Variants in C1QTNF7 observed in about 807,000 individuals in gnomAD.
The protein encoded by C1QTNF7 is C1q and TNF related 7, also known as complement C1q tumor necrosis factor-related protein 7.
In C1QTNF7, 15 loss-of-function variants were observed where a neutral mutation model predicts 19.6. The observed-to-expected ratio is 0.76, with a 90% CI of 0.51 to 1.18. The LOEUF is 1.18. C1QTNF7 is among the 50% of genes most tolerant of loss of function. The probability of loss-of-function intolerance (pLI) is 0.00; values close to 1 mark genes in which losing one functional copy is unlikely to be tolerated. For missense variants in C1QTNF7, 324 were observed against 359.7 expected, an observed-to-expected ratio of 0.90 and a Z score of 0.80; for synonymous variants, 142 against 137.5, an observed-to-expected ratio of 1.03 and a Z score of -0.23.
intron 1 of C1QTNF7, among the ~76,000 whole-genome samples, chr4:15,417,504 C>T (rs1390536551): frequency 6.6e-6 from 1 of 152,252 alleles, no homozygotes; most frequent in African/African-American, 2.4e-5. Context: ...AGACCAGGCA[C>T]AGTGGTTCAT....
At chr4:15,360,625 G>T (rs1273278951) in intron 1 of C1QTNF7, among the ~76,000 whole-genome samples, 1 of 152,106 alleles carries the variant, frequency 6.6e-6, no homozygotes, top group Non-Finnish European at 1.5e-5. Flanking sequence ...GTACAAAAAT[G>T]CAAGAAACAG....
chr4:15,376,547 T>C (rs947013418), intron 1 of C1QTNF7, among the ~76,000 whole-genome samples: 1 of 152,184 alleles, frequency 6.6e-6, no homozygotes, highest in African/African-American at 2.4e-5. Context: ...CATGTAAAGT[T>C]TGAGAGTTGA....
chr4:15,412,112 A>T (rs1485671840), intron 1 of C1QTNF7, among the ~76,000 whole-genome samples: 1 of 152,128 alleles, frequency 6.6e-6, no homozygotes, highest in African/African-American at 2.4e-5. Context: ...CACACTCCTT[A>T]TGAGCATCTA....
chr4:15,403,665 C>G (rs1212369172), intron 1 of C1QTNF7, among the ~76,000 whole-genome samples: 1 of 152,142 alleles, frequency 6.6e-6, no homozygotes, highest in Non-Finnish European at 1.5e-5. Context: ...CTACATAAAC[C>G]CTATTTCAAA....
At chr4:15,357,399 A>G (rs943408057) in intron 1 of C1QTNF7, among the ~76,000 whole-genome samples, 1 of 152,102 alleles carries the variant, frequency 6.6e-6, no homozygotes, top group African/African-American at 2.4e-5. Flanking sequence ...CAAAGATCAG[A>G]TTGTTGTAGA....
intron 1 of C1QTNF7, among the ~76,000 whole-genome samples, chr4:15,359,007 A>G (rs2109296897): frequency 6.6e-6 from 1 of 152,312 alleles, no homozygotes; most frequent in East Asian, 1.9e-4. Context: ...TTTTGCAAGT[A>G]AAGTGGGACA....
At chr4:15,417,319 A>G (rs1719637585) in intron 1 of C1QTNF7, among the ~76,000 whole-genome samples, 1 of 152,058 alleles carries the variant, frequency 6.6e-6, no homozygotes, top group Non-Finnish European at 1.5e-5. Context: ...GCTATTCCCC[A>G]TTTCTCACTC....
chr4:15,403,990 C>T (rs1307033239), intron 1 of C1QTNF7, among the ~76,000 whole-genome samples: 13 of 152,250 alleles, frequency 8.5e-5, no homozygotes, highest in African/African-American at 3.1e-4. Flanking sequence ...CTTTTCTATG[C>T]ATATACAAAT....
intron 1 of C1QTNF7, among the ~76,000 whole-genome samples, chr4:15,343,794 G>C (rs1284793060): frequency 6.6e-6 from 1 of 152,192 alleles, no homozygotes; most frequent in African/African-American, 2.4e-5. Context: ...CAGATACAAA[G>C]AATTGTGCCG....
upstream of C1QTNF7, among the ~76,000 whole-genome samples, chr4:15,423,981 A>G (rs1473308441): frequency 6.6e-6 from 1 of 152,158 alleles, no homozygotes; most frequent in African/African-American, 2.4e-5. Flanking sequence ...AGTTTATCAA[A>G]TGGTATTAAC....
At position 15,445,056 on chromosome 4, in the gene C1QTNF7, C is replaced by T. The variant is rs986626982; in HGVS notation, c.*2257C>T. 2.0e-5 allele frequency: 3 copies of T among 152,260 alleles called. No individual in the cohort carries two copies. The highest frequency in any genetic ancestry group is 7.2e-5 in the African/African-American group (3 of 41,430). The allele number at this position is 152,260 out of a possible 1,614,324, so 9.4% of individuals were successfully genotyped here. On this transcript the variant is annotated 3_prime_UTR_variant, in exon 3 of 3. Transcript: ENST00000444304. ...TGTCTTTCAACCCTATCTTGCTTTT[C>T]CTGTCTTTCAACCCTATCTTGCTTT... is the stretch of plus-strand genomic sequence containing the variant.
At chr4:15,362,295 G>C (rs1282158313) in intron 1 of C1QTNF7, 1 of 152,020 alleles carries the variant, frequency 6.6e-6, no homozygotes, top group African/African-American at 2.4e-5. Flanking sequence ...CCTCTATATA[G>C]ACAAGTGTAA....
intron 1 of C1QTNF7, among the ~76,000 whole-genome samples, chr4:15,352,772 C>G (rs1178387280): frequency 1.3e-5 from 2 of 152,166 alleles, no homozygotes; most frequent in Non-Finnish European, 2.9e-5. Context: ...CCACCATCTG[C>G]CTAACTCCTT....
intron 1 of C1QTNF7, among the ~76,000 whole-genome samples, chr4:15,399,910 C>T (rs61240629): frequency 6.6e-6 from 1 of 152,036 alleles, no homozygotes; most frequent in Non-Finnish European, 1.5e-5. Context: ...TCCCAATATT[C>T]CTGTGGGATT....
At chr4:15,394,390 C>A (rs1718701015) in intron 1 of C1QTNF7, among the ~76,000 whole-genome samples, 1 of 152,252 alleles carries the variant, frequency 6.6e-6, no homozygotes, top group Non-Finnish European at 1.5e-5. Flanking sequence ...TCAGCTCATA[C>A]TGCAGAATGC....
intron 1 of C1QTNF7, among the ~76,000 whole-genome samples, chr4:15,378,335 G>C (rs1718018906): frequency 6.6e-6 from 1 of 152,046 alleles, no homozygotes. Context: ...TAAATCTATG[G>C]GGCTTCTCTA....
intron 1 of C1QTNF7, among the ~76,000 whole-genome samples, chr4:15,344,281 C>G (rs781065881): frequency 1.3e-5 from 2 of 152,144 alleles, no homozygotes; most frequent in African/African-American, 2.4e-5. Flanking sequence ...GGTTTGTAAA[C>G]AAGAAAGTAA....
chr4:15,380,882 C>A (rs528154101), intron 1 of C1QTNF7, among the ~76,000 whole-genome samples: 63 of 151,494 alleles, frequency 4.2e-4, no homozygotes, highest in African/African-American at 1.5e-3. Flanking sequence ...TTGCAATGAG[C>A]CAAGATCACA....
intron 1 of C1QTNF7, among the ~76,000 whole-genome samples, chr4:15,389,708 C>T (rs938474388): frequency 6.6e-6 from 1 of 152,146 alleles, no homozygotes; most frequent in Non-Finnish European, 1.5e-5. Flanking sequence ...TGTGAGCCAC[C>T]TCACCCAGCC....
Sources: gnomAD v4.1 joint callset for allele counts (sites outside exome capture counted in the v4.1 genomes callset) on GRCh38, gnomAD v4.1.1 for gene constraint, MANE v1.5 for transcripts, NCBI Gene and HGNC (gene_info 2026-07-23, HGNC 2026-07-21) for gene names.